The following POLK variants were observed in gnomAD, a reference collection of about 807,000 sequenced individuals.
POLK encodes DNA polymerase kappa.
A neutral mutation model predicts 94.0 loss-of-function variants in POLK; 76 were observed. The ratio of observed to expected loss-of-function variants is 0.81; its 90% CI spans 0.67 to 0.98. POLK has a LOEUF of 0.98. Ranked by LOEUF, POLK falls within the 50% of genes least tolerant of loss-of-function variation. POLK has a pLI of 0.00. For synonymous variants in POLK, 349 were observed against 325.4 expected, an observed-to-expected ratio of 1.07 and a Z score of -0.78; for missense variants, 954 against 1,010.1, an observed-to-expected ratio of 0.94 and a Z score of 0.75.
exon 13 of POLK, chr5:75,596,748 T>C: frequency 1.2e-6 from 2 of 1,613,028 alleles, no homozygotes; most frequent in Non-Finnish European, 1.7e-6. Flanking sequence ...AGAAGCAAGA[T>C]TATGAAGCCC....
chr5:75,534,718 T>G (rs1769362158), intron 1 of POLK: 1 of 152,232 alleles, frequency 6.6e-6, no homozygotes, highest in African/African-American at 2.4e-5. Context: ...CCCTTAACCA[T>G]TATGTAATGT....
At chr5:75,583,803 A>C (rs1399373100) in intron 8 of POLK, among the ~76,000 whole-genome samples, 1 of 152,180 alleles carries the variant, frequency 6.6e-6, no homozygotes, top group Non-Finnish European at 1.5e-5. Context: ...TGTTTTTGAC[A>C]GAGAATAAAC....
At chr5:75,596,227 C>A in exon 13 of POLK, 3 of 1,556,062 alleles carry the variant, frequency 1.9e-6, no homozygotes, top group South Asian at 1.2e-5. Flanking sequence ...TTTAGGTGTT[C>A]GGATATCTAG....
chr5:75,604,868 A>C (rs1246770980), downstream of POLK, among the ~76,000 whole-genome samples: 1 of 152,212 alleles, frequency 6.6e-6, no homozygotes, highest in African/African-American at 2.4e-5. Context: ...AACTGAATTA[A>C]GTTGTTCAAG....
intron 3 of POLK, among the ~76,000 whole-genome samples, chr5:75,555,550 A>AT (rs544470684): frequency 0.082 from 11,773 of 144,102 alleles, 588 homozygotes; most frequent in Non-Finnish European, 0.12. Context: ...ACCACAGACA[A>AT]TTTTTTTTTT....
intron 12 of POLK, among the ~76,000 whole-genome samples, chr5:75,595,035 G>C (rs1035770914): frequency 5.9e-5 from 9 of 152,108 alleles, no homozygotes; most frequent in Non-Finnish European, 1.0e-4. Flanking sequence ...TGGATTGCCT[G>C]AGGTCAGGAG....
intron 11 of POLK, among the ~76,000 whole-genome samples, chr5:75,592,413 T>C (rs1451820158): frequency 1.3e-5 from 2 of 152,212 alleles, no homozygotes; most frequent in Non-Finnish European, 2.9e-5. Flanking sequence ...AATGGTCTTT[T>C]ATAAAAATTC....
At chr5:75,576,972 G>T (rs1453762864) in intron 6 of POLK, 39 bp downstream of exon 6, 1 of 1,045,500 alleles carries the variant, frequency 9.6e-7, no homozygotes, top group East Asian at 3.5e-5. Context: ...AAGAAGCAGT[G>T]AAAAAAAAAA....
rs530078852 is a variant in POLK, at chr5:75,593,609, T to C, written c.1357-269T>C. On this transcript the variant is annotated intron_variant, in intron 11 of 14. Transcript: ENST00000241436. ...GCTCATGCCTATAATCCCAACACTT[T>C]GGGAGGCCAGGATCGCTTGTGGCCA... Among the ~76,000 whole-genome samples, 25 of 152,244 alleles carry C rather than the reference T, an allele frequency of 1.6e-4. No homozygotes were observed. The South Asian group carries it at 5.2e-3, about 32-fold the overall frequency.
At chr5:75,589,057 C>T (rs1243855188) in intron 10 of POLK, among the ~76,000 whole-genome samples, 3 of 152,068 alleles carry the variant, frequency 2.0e-5, no homozygotes, top group Non-Finnish European at 4.4e-5. Context: ...TACACATGTA[C>T]TTTGATGCCA....
exon 3 of POLK, chr5:75,552,536 T>A (rs1350135173): frequency 3.1e-6 from 5 of 1,612,640 alleles, no homozygotes; most frequent in Admixed American, 1.7e-5. Context: ...ATTGAAAATA[T>A]GATGCAACAA....
At chr5:75,609,244 ATTATT>A in the POLK span, 1 of 151,866 alleles carries the variant, frequency 6.6e-6, no homozygotes, top group Non-Finnish European at 1.5e-5. Context: ...TTTTTTTAAA[ATTATT>A]TTTTATTTAT....
At chr5:75,535,987 T>C (rs763496510) in intron 1 of POLK, among the ~76,000 whole-genome samples, 1 of 152,216 alleles carries the variant, frequency 6.6e-6, no homozygotes, top group Non-Finnish European at 1.5e-5. Context: ...GCCTGGGAAC[T>C]AGTGTGGTCG....
intron 4 of POLK, among the ~76,000 whole-genome samples, chr5:75,573,240 G>A (rs1490093804): frequency 3.9e-5 from 6 of 152,012 alleles, no homozygotes; most frequent in South Asian, 4.1e-4. Context: ...GGAAACCATC[G>A]TTCTCAGCAA....
intron 1 of POLK, among the ~76,000 whole-genome samples, chr5:75,544,591 G>A (rs750974130): frequency 7.9e-5 from 12 of 151,866 alleles, no homozygotes; most frequent in South Asian, 4.2e-4. Flanking sequence ...GCAGTAAGCC[G>A]AGATCACACC....
At chr5:75,535,567 C>G (rs942362643) in intron 1 of POLK, among the ~76,000 whole-genome samples, 1 of 152,168 alleles carries the variant, frequency 6.6e-6, no homozygotes, top group Admixed American at 6.5e-5. Flanking sequence ...CTTTCTCTCT[C>G]TCTCTTTTAG....
intron 3 of POLK, among the ~76,000 whole-genome samples, chr5:75,552,923 C>T (rs536148980): frequency 5.5e-4 from 84 of 152,150 alleles, no homozygotes; most frequent in Non-Finnish European, 9.6e-4. Flanking sequence ...TTGTATACAT[C>T]GCAGCTAGAA....
intron 1 of POLK, among the ~76,000 whole-genome samples, chr5:75,518,959 C>G (rs1419389217): frequency 6.6e-6 from 1 of 152,152 alleles, no homozygotes. Flanking sequence ...ATGCTCCTGC[C>G]TCAGCCTCCT....
intron 12 of POLK, among the ~76,000 whole-genome samples, chr5:75,595,257 A>AAAAAAAC (rs1773011791): frequency 6.7e-6 from 1 of 149,412 alleles, no homozygotes; most frequent in African/African-American, 2.5e-5. Context: ...AGAAAAAAAA[A>AAAAAAAC]AAAAAAAAAA....
Sources: gnomAD v4.1 joint callset for allele counts (sites outside exome capture counted in the v4.1 genomes callset) on GRCh38, gnomAD v4.1.1 for gene constraint, MANE v1.5 for transcripts, NCBI Gene and HGNC (gene_info 2026-07-23, HGNC 2026-07-21) for gene names.